Variants in MYH13 observed in about 807,000 individuals in gnomAD.
MYH13 encodes myosin heavy chain 13.
Under a neutral mutation model 232.1 loss-of-function variants are expected in MYH13, and 177 were observed. The observed-to-expected ratio is 0.76, with a 90% CI of 0.67 to 0.86. The LOEUF is 0.86. Ranked by LOEUF, MYH13 falls within the 40% of genes least tolerant of loss-of-function variation. The pLI is 0.00. For missense variants in MYH13, 2,246 were observed against 2,405.9 expected (o/e 0.93, Z 1.39); for synonymous variants, 884 against 923.5 (o/e 0.96, Z 0.78).
intron 29 of MYH13, among the ~76,000 whole-genome samples, chr17:10,315,416 C>T (rs185108936): frequency 1.6e-3 from 237 of 152,278 alleles, no homozygotes; most frequent in African/African-American, 5.5e-3. Flanking sequence ...CTCAGCCTCC[C>T]GAGTAGCTGG....
rs773375344 is a variant in MYH13 at position 10,318,903 on chromosome 17, C to T, written c.3625G>A (p.Glu1209Lys). Residue 1209 changes from glutamate (E) to lysine (K), a missense_variant, in exon 27 of 41, where the codon GAG (glutamate) becomes AAG (lysine). Physicochemically the swap from Glu to Lys is moderately conservative, Grantham distance 56. Coordinates refer to ENST00000252172, the MANE Select transcript of MYH13 (RefSeq NM_003802.3). The stretch of plus-strand genomic sequence containing the variant: ...ACCCGCTGCAGGTTGTCAATCTGCT[C>T]CCCAAGCTCGGCCACACTATCTGCT... ...KQADSVAELGEQIDNLQRVKQ... is the reference protein window; with the variant it reads ...KQADSVAELGKQIDNLQRVKQ... The T allele has an allele frequency of 2.5e-6, 4 of 1,614,148 alleles. No individual in the cohort carries two copies. In the Admixed American group the frequency reaches 5.0e-5, roughly 20 times the overall value.
At chr17:10,361,853 G>T (rs2071796392) in intron 5 of MYH13, among the ~76,000 whole-genome samples, 1 of 152,212 alleles carries the variant, frequency 6.6e-6, no homozygotes, top group Non-Finnish European at 1.5e-5. Flanking sequence ...GGGGTTCCCT[G>T]GGGACAAAGG....
rs1555550854 is a variant in MYH13, at chr17:10,338,701, T to TG, written c.2056+1448_2056+1449insC. 2.3e-3 allele frequency among the ~76,000 whole-genome samples: 290 copies of TG among 127,872 alleles called. 2 individuals are homozygous for TG. The highest frequency in any genetic ancestry group is 0.023 in the East Asian group (77 of 3,414). The allele number at this position is 127,872 out of a possible 152,430, so 83.9% of individuals were successfully genotyped here. Reference sequence around the variant, plus strand: ...CACTTTTATCCTTGTTTTTTTTTTTTTTTTGTTTGTTTTTTTTGAGACGGA... The same window carrying TG: ...CACTTTTATCCTTGTTTTTTTTTTTTGTTTTGTTTGTTTTTTTTGAGACGGA... On this transcript the variant is annotated intron_variant, in intron 18 of 40. Transcript: ENST00000252172.
At chr17:10,350,800 A>G (rs1472553489) in intron 11 of MYH13, 106 bp from the exon 12 acceptor site, 1 of 1,439,448 alleles carries the variant, frequency 6.9e-7, no homozygotes, top group Non-Finnish European at 9.7e-7. Context: ...ATGAGACAGC[A>G]TTTGCCCAAA....
chr17:10,321,745 A>T (rs1488913516), intron 23 of MYH13, 37 bp from the exon 24 acceptor site: 2 of 1,554,734 alleles, frequency 1.3e-6, no homozygotes, highest in Non-Finnish European at 1.8e-6. Flanking sequence ...TATGGAAACG[A>T]TTATGCCAGA....
intron 23 of MYH13, among the ~76,000 whole-genome samples, chr17:10,322,928 T>C (rs71365754): frequency 2.0e-5 from 3 of 152,148 alleles, no homozygotes; most frequent in Non-Finnish European, 4.4e-5. Flanking sequence ...CCACCGCACC[T>C]GGCCCTATAT....
intron 8 of MYH13, among the ~76,000 whole-genome samples, chr17:10,357,101 C>G (rs576177843): frequency 6.6e-6 from 1 of 152,168 alleles, no homozygotes; most frequent in African/African-American, 2.4e-5. Context: ...GCTGGGATTA[C>G]AGGCATGTGC....
chr17:10,353,094 A>G (rs1203329264), intron 11 of MYH13, among the ~76,000 whole-genome samples: 1 of 151,948 alleles, frequency 6.6e-6, no homozygotes, highest in Non-Finnish European at 1.5e-5. Context: ...TCATCACACC[A>G]CCTGCAGATA....
chr17:10,362,104 A>G lies in MYH13; in HGVS notation c.505+14T>C. ...GGATGGCTTCAAAAAATATGAATCAAAGAAATTACTCACCAGTCAGCATGA... is the reference window on the plus strand; with the variant it reads ...GGATGGCTTCAAAAAATATGAATCAGAGAAATTACTCACCAGTCAGCATGA... On this transcript the variant is annotated intron_variant, in intron 5 of 40. Transcript: ENST00000252172. The G allele has an allele frequency of 6.2e-7, 1 of 1,613,784 alleles. No individual in the cohort carries two copies. The highest frequency in any genetic ancestry group is 8.5e-7 in the Non-Finnish European group (1 of 1,179,878).
intron 18 of MYH13, among the ~76,000 whole-genome samples, chr17:10,334,955 G>A (rs1364230436): frequency 6.6e-6 from 1 of 151,886 alleles, no homozygotes; most frequent in Non-Finnish European, 1.5e-5. Flanking sequence ...CCTTAGCAAT[G>A]GTCTAATTCG....
At chr17:10,322,780 T>C (rs769395545) in intron 23 of MYH13, among the ~76,000 whole-genome samples, 130 of 151,898 alleles carry the variant, frequency 8.6e-4, no homozygotes, top group African/African-American at 1.4e-3. Context: ...ACTACAGGCG[T>C]CCGCCACCAC....
chr17:10,343,088 CA>C (rs71139039), intron 16 of MYH13, among the ~76,000 whole-genome samples: 394 of 125,098 alleles, frequency 3.1e-3, no homozygotes, highest in Middle Eastern at 8.8e-3. Flanking sequence ...GACTCTGTCT[CA>C]AAAAAAAAAA....
intron 18 of MYH13, among the ~76,000 whole-genome samples, chr17:10,339,909 T>C (rs2071608078): frequency 6.6e-6 from 1 of 152,336 alleles, no homozygotes; most frequent in East Asian, 1.9e-4. Context: ...GATACAAGCG[T>C]GAAATGTGCA....
chr17:10,353,611 T>C (rs539637396), intron 11 of MYH13, among the ~76,000 whole-genome samples: 1 of 152,246 alleles, frequency 6.6e-6, no homozygotes, highest in Admixed American at 6.5e-5. Flanking sequence ...ATGCTTGTAA[T>C]CCCAGCACTT....
At chr17:10,370,070 C>G (rs1462852637) in intron 2 of MYH13, among the ~76,000 whole-genome samples, 1 of 152,206 alleles carries the variant, frequency 6.6e-6, no homozygotes, top group African/African-American at 2.4e-5. Context: ...TCACTCTTCC[C>G]TGAACCCACT....
intron 18 of MYH13, among the ~76,000 whole-genome samples, chr17:10,336,172 A>G (rs908083609): frequency 2.0e-5 from 3 of 151,978 alleles, no homozygotes; most frequent in African/African-American, 7.3e-5. Context: ...TGGTTTGTGC[A>G]GACTCAGAAT....
chr17:10,315,543 C>T, intron 29 of MYH13, 150 bp downstream of exon 29: 1 of 674,346 alleles, frequency 1.5e-6, no homozygotes, highest in Non-Finnish European at 2.5e-6. Context: ...ATCCATCTGC[C>T]TTGGCCTCCC....
intron 7 of MYH13, among the ~76,000 whole-genome samples, chr17:10,358,676 C>T (rs928139254): frequency 1.3e-5 from 2 of 152,042 alleles, no homozygotes; most frequent in Non-Finnish European, 2.9e-5. Context: ...ATCGCTTGAG[C>T]CCAGGAGTTT....
rs767692504 is a variant in MYH13 at position 10,315,987 on chromosome 17, T to A, written c.3777A>T (p.Gln1259His). 13 of 1,614,062 alleles carry A rather than the reference T, an allele frequency of 8.1e-6. No homozygotes were observed. The South Asian group carries it at 1.4e-4, about 18-fold the overall frequency. The change falls in exon 28 of 41, where the codon CAA becomes CAT. Residue 1259 changes from glutamine (Q) to histidine (H), a missense_variant. Coordinates refer to ENST00000252172, the MANE Select transcript of MYH13 (RefSeq NM_003802.3). ...IERTCRTVED[Q>H]FSEIKAKDEQ... ...CGTCCTTGGCTTTGATTTCACTAAA[T>A]TGATCTTCTACCGTCCGGCACGTTC...
Sources: allele counts gnomAD v4.1 joint callset (sites outside exome capture counted in the v4.1 genomes callset), GRCh38; gene constraint gnomAD v4.1.1; transcripts MANE v1.5; gene names NCBI Gene and HGNC (gene_info 2026-07-23, HGNC 2026-07-21).